The following GPC6 variants were observed in gnomAD, a reference collection of about 807,000 sequenced individuals.
The protein encoded by GPC6 is glypican 6.
GPC6 carries 14 observed loss-of-function variants against 55.2 expected under a neutral mutation model. That is an observed-to-expected ratio of 0.25 (90% CI 0.17 to 0.40). The LOEUF is 0.40. GPC6 is among the 10% of genes least tolerant of loss of function. The probability of loss-of-function intolerance (pLI) is 1.00; values close to 1 mark genes in which losing one functional copy is unlikely to be tolerated. For missense variants in GPC6, 641 were observed against 708.5 expected (o/e 0.90, Z 1.08); for synonymous variants, 278 against 259.6 (o/e 1.07, Z -0.68).
At chr13:93,235,381 T>C (rs939193765) in intron 1 of GPC6, among the ~76,000 whole-genome samples, 3 of 152,134 alleles carry the variant, frequency 2.0e-5, no homozygotes, top group Non-Finnish European at 2.9e-5. Flanking sequence ...AGGCTTTATA[T>C]GACAGAAAGT....
intron 4 of GPC6, among the ~76,000 whole-genome samples, chr13:94,264,503 GA>G (rs1283721475): frequency 6.6e-6 from 1 of 152,154 alleles, no homozygotes; most frequent in East Asian, 1.9e-4. Context: ...ATTTGTTGTT[GA>G]AAATATGTAT....
At chr13:94,147,669 C>A (rs1013597743) in intron 4 of GPC6, among the ~76,000 whole-genome samples, 1 of 152,066 alleles carries the variant, frequency 6.6e-6, no homozygotes, top group Non-Finnish European at 1.5e-5. Flanking sequence ...ACCCTGAGGC[C>A]CTGGCTCTGT....
intron 2 of GPC6, among the ~76,000 whole-genome samples, chr13:93,549,416 A>G (rs1434758860): frequency 6.6e-6 from 1 of 152,182 alleles, no homozygotes; most frequent in Non-Finnish European, 1.5e-5. Context: ...GAGAACAGGC[A>G]AATATTCAGC....
At chr13:93,595,959 T>C (rs185320729) in intron 2 of GPC6, among the ~76,000 whole-genome samples, 169 of 152,322 alleles carry the variant, frequency 1.1e-3, no homozygotes, top group African/African-American at 3.8e-3. Context: ...TTTGAATATG[T>C]ACATTCACTA....
In GPC6 at chr13:93,324,595, T is replaced by TATATACACACATACATAC. The variant is rs1197386808; in HGVS notation, c.160+96984_160+96985insCACACATACATACATATA. ...ATACACACACATACATACATATATA[T>TATATACACACATACATAC]ATATATATATATATATAAAATCTCT... On this transcript the variant is annotated intron_variant, in intron 1 of 8. Coordinates refer to ENST00000377047, the MANE Select transcript of GPC6 (RefSeq NM_005708.5). 7.2e-4 allele frequency among the ~76,000 whole-genome samples: 94 copies of TATATACACACATACATAC among 131,398 alleles called. 3 individuals are homozygous for TATATACACACATACATAC. The highest frequency in any genetic ancestry group is 1.6e-3 in the Admixed American group (20 of 12,352). The allele number at this position is 131,398 out of a possible 152,430, so 86.2% of individuals were successfully genotyped here.
At chr13:93,690,142 A>T (rs914536637) in intron 2 of GPC6, among the ~76,000 whole-genome samples, 5 of 152,164 alleles carry the variant, frequency 3.3e-5, no homozygotes, top group Admixed American at 1.3e-4. Context: ...GACAATATTC[A>T]CTAGAGTAAG....
chr13:94,365,342 C>T (rs1285677810), intron 6 of GPC6, among the ~76,000 whole-genome samples: 4 of 152,118 alleles, frequency 2.6e-5, no homozygotes, highest in Non-Finnish European at 5.9e-5. Flanking sequence ...AGTATCTCAT[C>T]CTATTGTTCC....
intron 1 of GPC6, among the ~76,000 whole-genome samples, chr13:93,362,854 C>A (rs968328660): frequency 6.6e-6 from 1 of 152,178 alleles, no homozygotes; most frequent in South Asian, 2.1e-4. Context: ...AAGCACTCTG[C>A]ATCTTTTTAA....
chr13:94,206,533 T>C (rs1889906653), intron 4 of GPC6, among the ~76,000 whole-genome samples: 1 of 151,992 alleles, frequency 6.6e-6, no homozygotes, highest in South Asian at 2.1e-4. Flanking sequence ...AGAGACTACC[T>C]CTCCCACGGC....
intron 4 of GPC6, among the ~76,000 whole-genome samples, chr13:94,227,245 A>G (rs543446134): frequency 1.3e-5 from 2 of 152,352 alleles, no homozygotes; most frequent in Non-Finnish European, 2.9e-5. Context: ...TACTGCACAA[A>G]TCCTTGTACT....
chr13:93,531,559 C>T (rs535798431), intron 1 of GPC6, among the ~76,000 whole-genome samples: 1 of 152,272 alleles, frequency 6.6e-6, no homozygotes, highest in Admixed American at 6.5e-5. Context: ...ATGTTAACCA[C>T]ATCTACAAAC....
At chr13:93,744,625 A>T (rs1452624272) in intron 2 of GPC6, among the ~76,000 whole-genome samples, 1 of 146,836 alleles carries the variant, frequency 6.8e-6, no homozygotes, top group African/African-American at 2.5e-5. Flanking sequence ...GACATCAAGC[A>T]CTGTCAAATT....
chr13:93,492,690 C>T (rs79683693), intron 1 of GPC6, among the ~76,000 whole-genome samples: 160 of 151,040 alleles, frequency 1.1e-3, no homozygotes, highest in Admixed American at 1.6e-3. Flanking sequence ...TTTTGAAATA[C>T]GTCCCATCAA....
At chr13:93,535,410 A>T (rs536764012) in intron 1 of GPC6, among the ~76,000 whole-genome samples, 1 of 152,166 alleles carries the variant, frequency 6.6e-6, no homozygotes, top group Non-Finnish European at 1.5e-5. Context: ...AGTAGCTGCC[A>T]TGATTTCACC....
intron 2 of GPC6, among the ~76,000 whole-genome samples, chr13:93,686,487 G>T (rs1311284991): frequency 1.3e-5 from 2 of 152,052 alleles, no homozygotes; most frequent in Non-Finnish European, 2.9e-5. Context: ...GTTTTCTTCT[G>T]TACCTCAGTA....
intron 3 of GPC6, among the ~76,000 whole-genome samples, chr13:94,012,084 G>A (rs1432264108): frequency 6.6e-6 from 1 of 152,112 alleles, no homozygotes; most frequent in Non-Finnish European, 1.5e-5. Flanking sequence ...TTGAAGGGTA[G>A]AGACACCACT....
At chr13:93,357,644 G>T (rs1473051009) in intron 1 of GPC6, among the ~76,000 whole-genome samples, 1 of 151,848 alleles carries the variant, frequency 6.6e-6, no homozygotes, top group Non-Finnish European at 1.5e-5. Flanking sequence ...CTCAAAATCA[G>T]CCTGAGCAAC....
chr13:94,109,179 G>A (rs1427744950), intron 4 of GPC6, among the ~76,000 whole-genome samples: 1 of 152,172 alleles, frequency 6.6e-6, no homozygotes, highest in African/African-American at 2.4e-5. Context: ...GAGATCGTTT[G>A]CATAAAGGGC....
At chr13:94,200,765 T>C (rs1889722613) in intron 4 of GPC6, among the ~76,000 whole-genome samples, 1 of 152,214 alleles carries the variant, frequency 6.6e-6, no homozygotes, top group Non-Finnish European at 1.5e-5. Context: ...ATTATTTGCA[T>C]TGCTTGGAAT....
Sources: allele counts gnomAD v4.1 joint callset (sites outside exome capture counted in the v4.1 genomes callset), GRCh38; gene constraint gnomAD v4.1.1; transcripts MANE v1.5; gene names NCBI Gene and HGNC (gene_info 2026-07-23, HGNC 2026-07-21).